SLX4IP: variants seen among roughly 807,000 people sequenced by gnomAD.
SLX4IP encodes the protein SLX4 interacting protein, also known as protein SLX4IP.
A neutral mutation model predicts 32.9 loss-of-function variants in SLX4IP; 34 were observed. The ratio of observed to expected loss-of-function variants is 1.03; its 90% CI spans 0.79 to 1.38. SLX4IP has a LOEUF of 1.38. Among genes scored for constraint, SLX4IP ranks in the 40% most tolerant of loss-of-function variants. The probability of loss-of-function intolerance (pLI) is 0.00; values close to 1 mark genes in which losing one functional copy is unlikely to be tolerated. For missense variants in SLX4IP, 444 were observed against 479.0 expected, an observed-to-expected ratio of 0.93 and a Z score of 0.68; for synonymous variants, 172 against 171.7, an observed-to-expected ratio of 1.00 and a Z score of -0.01.
intron 2 of SLX4IP, among the ~76,000 whole-genome samples, chr20:10,508,398 G>T (rs1265829400): frequency 2.0e-5 from 3 of 152,226 alleles, no homozygotes; most frequent in Non-Finnish European, 2.9e-5. Context: ...CAAATGAGCT[G>T]CTCAACAGGG....
At position 10,601,839 on chromosome 20, in the gene SLX4IP, A is replaced by G. The variant is rs368744884; in HGVS notation, c.405+20A>G. On this transcript the variant is annotated intron_variant, in intron 6 of 7. Transcript: ENST00000334534. ...GATTTGGTGAGTATGAAAAAATTCT[A>G]TAAACAAATAAGTCTGCTTAAATGC... 4.5e-4 allele frequency: 721 copies of G among 1,591,784 alleles called. 7 individuals are homozygous for G. The highest frequency in any genetic ancestry group is 1.7e-4 in the Middle Eastern group (1 of 6,002).
intron 6 of SLX4IP, among the ~76,000 whole-genome samples, chr20:10,615,426 A>G (rs1410570912): frequency 2.6e-5 from 4 of 152,054 alleles, no homozygotes; most frequent in African/African-American, 7.3e-5. Flanking sequence ...TGCTTCCCTC[A>G]TAGTCTCTTT....
chr20:10,529,047 C>T (rs1470211804), intron 2 of SLX4IP, among the ~76,000 whole-genome samples: 2 of 152,142 alleles, frequency 1.3e-5, no homozygotes, highest in Admixed American at 1.3e-4. Flanking sequence ...AGATGGGTTT[C>T]TGTTTCTGTT....
At chr20:10,540,605 A>C (rs893356397) in intron 2 of SLX4IP, among the ~76,000 whole-genome samples, 4 of 152,126 alleles carry the variant, frequency 2.6e-5, no homozygotes, top group Admixed American at 6.5e-5. Flanking sequence ...AATATTCTTA[A>C]TTAATGATCT....
intron 2 of SLX4IP, among the ~76,000 whole-genome samples, chr20:10,530,620 G>A (rs879643957): frequency 1.1e-4 from 17 of 152,198 alleles, no homozygotes; most frequent in Non-Finnish European, 2.2e-4. Context: ...ATGGGAATTT[G>A]AGCCTGCCAC....
At chr20:10,473,446 A>G (rs1426246605) in intron 2 of SLX4IP, among the ~76,000 whole-genome samples, 1 of 152,242 alleles carries the variant, frequency 6.6e-6, no homozygotes, top group African/African-American at 2.4e-5. Context: ...TGTTTAGCAC[A>G]GTACCAAGTA....
intron 6 of SLX4IP, among the ~76,000 whole-genome samples, chr20:10,619,733 T>C (rs563771498): frequency 6.6e-6 from 1 of 152,358 alleles, no homozygotes; most frequent in African/African-American, 2.4e-5. Context: ...GAGAATCTAC[T>C]GTACTTATAG....
intron 2 of SLX4IP, among the ~76,000 whole-genome samples, chr20:10,473,535 A>G (rs904855297): frequency 7.3e-5 from 11 of 151,542 alleles, no homozygotes; most frequent in African/African-American, 2.7e-4. Flanking sequence ...TGTGGTTAAT[A>G]TTTTTCTGCC....
chr20:10,477,943 G>C (rs225152), intron 2 of SLX4IP, among the ~76,000 whole-genome samples: 7,532 of 142,778 alleles, frequency 0.053, 588 homozygotes, highest in African/African-American at 0.18. Context: ...TATCGCCCAT[G>C]CTGGAGTGGG....
intron 2 of SLX4IP, among the ~76,000 whole-genome samples, chr20:10,473,342 C>A (rs900992153): frequency 9.2e-5 from 14 of 152,134 alleles, no homozygotes; most frequent in African/African-American, 3.4e-4. Context: ...TCAGTGTATT[C>A]CCTGGACCAG....
At chr20:10,535,613 G>T (rs117533082) in intron 2 of SLX4IP, among the ~76,000 whole-genome samples, 6 of 152,238 alleles carry the variant, frequency 3.9e-5, no homozygotes, top group African/African-American at 1.4e-4. Flanking sequence ...GAGCTACTGC[G>T]CCCGGCCCAA....
intron 2 of SLX4IP, among the ~76,000 whole-genome samples, chr20:10,470,197 G>A (rs537039597): frequency 6.6e-6 from 1 of 152,270 alleles, no homozygotes; most frequent in South Asian, 2.1e-4. Context: ...TACCATTACT[G>A]CTCATCCGAC....
chr20:10,442,535 C>CT (rs1445530816), intron 1 of SLX4IP, among the ~76,000 whole-genome samples: 12 of 152,168 alleles, frequency 7.9e-5, no homozygotes, highest in African/African-American at 2.9e-4. Context: ...ATAATATACT[C>CT]TAACTTAGCA....
intron 2 of SLX4IP, among the ~76,000 whole-genome samples, chr20:10,512,775 ACT>A (rs1295820990): frequency 0.011 from 271 of 24,458 alleles, 4 homozygotes; most frequent in Admixed American, 0.023. Context: ...ACACACACAC[ACT>A]CTATATATAT....
intron 1 of SLX4IP, among the ~76,000 whole-genome samples, chr20:10,444,871 A>C (rs908077678): frequency 3.3e-5 from 5 of 152,044 alleles, no homozygotes; most frequent in African/African-American, 1.2e-4. Context: ...GTTCCAACAT[A>C]TAAATTTGGG....
Position 10,444,501 on chromosome 20 carries a change from C to G in SLX4IP, c.-30+9048C>G, listed in dbSNP as rs1192330537. ...CAAGTGATTCTCCTGCCTCAGCCTC[C>G]TGAGTAGCTGGGATTACAGGTGTGT... On this transcript the variant is annotated intron_variant, in intron 1 of 7. Transcript: ENST00000334534. Among the ~76,000 whole-genome samples, 4 of 152,140 alleles carry G rather than the reference C, an allele frequency of 2.6e-5. No individual in the cohort carries two copies. In the South Asian group the frequency reaches 8.3e-4, roughly 32 times the overall value.
Position 10,496,993 on chromosome 20 carries a change from G to C in SLX4IP, c.27+38762G>C, listed in dbSNP as rs1883693982. 2.6e-5 allele frequency among the ~76,000 whole-genome samples: 4 copies of C among 152,034 alleles called. No individual in the cohort carries two copies. In the South Asian group the frequency reaches 8.3e-4, roughly 32 times the overall value. On this transcript the variant is annotated intron_variant, in intron 2 of 7. Transcript: ENST00000334534. ...GTGTTTTCTTAATATAAAATGAATT[G>C]GTTATTAATATTTTTTCAATCAGAA...
At chr20:10,450,467 TTAC>T (rs1414319179) in intron 1 of SLX4IP, among the ~76,000 whole-genome samples, 1 of 152,240 alleles carries the variant, frequency 6.6e-6, no homozygotes, top group Non-Finnish European at 1.5e-5. Context: ...TCCCAGGAAC[TTAC>T]TTTTTTTCCA....
chr20:10,608,955 AAGTACCAAAG>A (rs144910110), intron 6 of SLX4IP, among the ~76,000 whole-genome samples: 16,629 of 152,146 alleles, frequency 0.11, 1,217 homozygotes, highest in Non-Finnish European at 0.17. Flanking sequence ...ATAAAAACTA[AAGTACCAAAG>A]AGTTAAGTGA....
Sources: gnomAD v4.1 joint callset for allele counts (sites outside exome capture counted in the v4.1 genomes callset) on GRCh38, gnomAD v4.1.1 for gene constraint, MANE v1.5 for transcripts, NCBI Gene and HGNC (gene_info 2026-07-23, HGNC 2026-07-21) for gene names.